The following PTPRD variants were observed in gnomAD, a reference collection of about 807,000 sequenced individuals.
PTPRD encodes protein tyrosine phosphatase receptor type D.
Under a neutral mutation model 214.5 loss-of-function variants are expected in PTPRD, and 34 were observed. That is an observed-to-expected ratio of 0.16 (90% confidence interval 0.12 to 0.21). The LOEUF (loss-of-function observed/expected upper bound fraction) is 0.21. PTPRD is among the 10% of genes least tolerant of loss of function. The probability of loss-of-function intolerance (pLI) is 1.00; values close to 1 mark genes in which losing one functional copy is unlikely to be tolerated. For synonymous variants in PTPRD, 1,128 were observed against 845.7 expected (o/e 1.33, Z -5.79); for missense variants, 2,545 against 2,398.7 (o/e 1.06, Z -1.27).
intron 12 of PTPRD, among the ~76,000 whole-genome samples, chr9:8,694,506 T>C (rs1055817238): frequency 2.4e-4 from 37 of 152,174 alleles, no homozygotes; most frequent in Non-Finnish European, 1.5e-5. Context: ...AAAAGTTAAA[T>C]GTATAAGAAA....
At chr9:8,705,659 G>C (rs898034260) in intron 12 of PTPRD, among the ~76,000 whole-genome samples, 3 of 152,022 alleles carry the variant, frequency 2.0e-5, no homozygotes, top group African/African-American at 4.8e-5. Flanking sequence ...ATAACAAATT[G>C]AGAATAAAAA....
At chr9:10,187,610 G>A (rs1166465233) in intron 3 of PTPRD, among the ~76,000 whole-genome samples, 1 of 152,194 alleles carries the variant, frequency 6.6e-6, no homozygotes, top group Non-Finnish European at 1.5e-5. Flanking sequence ...AATAAAGACA[G>A]TAGGTACATC....
chr9:10,162,685 ATGTG>A (rs1021460288), intron 3 of PTPRD, among the ~76,000 whole-genome samples: 3 of 147,252 alleles, frequency 2.0e-5, no homozygotes, highest in Non-Finnish European at 3.0e-5. Context: ...ACATGTATAT[ATGTG>A]TATATATATA....
chr9:8,836,418 TAA>T (rs754634037), intron 11 of PTPRD, among the ~76,000 whole-genome samples: 19 of 152,046 alleles, frequency 1.2e-4, no homozygotes, highest in Admixed American at 4.6e-4. Context: ...TGCCTAAAAA[TAA>T]AAAAGTTTTT....
intron 5 of PTPRD, among the ~76,000 whole-genome samples, chr9:9,810,068 C>G: frequency 6.8e-6 from 1 of 146,936 alleles, no homozygotes; most frequent in African/African-American, 2.6e-5. Flanking sequence ...CCTCCTGCAC[C>G]TCCTCTTCAG....
At chr9:9,311,686 G>A (rs559167832) in intron 9 of PTPRD, among the ~76,000 whole-genome samples, 33 of 152,106 alleles carry the variant, frequency 2.2e-4, no homozygotes, top group Middle Eastern at 3.4e-3. Context: ...CAACCAAATC[G>A]TTCCTTAATC....
intron 6 of PTPRD, among the ~76,000 whole-genome samples, chr9:9,752,603 A>G (rs2098531611): frequency 6.6e-6 from 1 of 152,012 alleles, no homozygotes; most frequent in African/African-American, 2.4e-5. Flanking sequence ...TTTAAGATCG[A>G]GGTTGAGGGA....
intron 7 of PTPRD, among the ~76,000 whole-genome samples, chr9:9,607,337 C>T (rs931784776): frequency 2.6e-5 from 4 of 152,060 alleles, no homozygotes; most frequent in African/African-American, 9.7e-5. Context: ...AAAATCATAA[C>T]AGTTTAAATG....
At chr9:8,828,578 T>C (rs952681564) in intron 11 of PTPRD, among the ~76,000 whole-genome samples, 3 of 152,220 alleles carry the variant, frequency 2.0e-5, no homozygotes, top group African/African-American at 7.2e-5. Context: ...TAAGATGTTA[T>C]GCTTGTTAGT....
At chr9:9,750,122 A>T (rs575197934) in intron 6 of PTPRD, among the ~76,000 whole-genome samples, 1 of 152,288 alleles carries the variant, frequency 6.6e-6, no homozygotes, top group Admixed American at 6.5e-5. Flanking sequence ...ACAAATTGTA[A>T]AAGTTTTGCC....
At chr9:9,619,828 TTATA>T (rs993752979) in intron 7 of PTPRD, among the ~76,000 whole-genome samples, 18 of 147,542 alleles carry the variant, frequency 1.2e-4, no homozygotes, top group African/African-American at 4.2e-4. Context: ...TATTTAATCT[TTATA>T]TATGTTAGCT....
At chr9:10,358,769 A>G (rs1323306594) in intron 2 of PTPRD, among the ~76,000 whole-genome samples, 4 of 151,988 alleles carry the variant, frequency 2.6e-5, no homozygotes, top group African/African-American at 9.7e-5. Context: ...TTGCTTGTTC[A>G]TTTGATAGAA....
chr9:8,712,982 G>C (rs1275693609), intron 12 of PTPRD, among the ~76,000 whole-genome samples: 1 of 152,216 alleles, frequency 6.6e-6, no homozygotes, highest in Non-Finnish European at 1.5e-5. Context: ...GCCTCCCAAA[G>C]TGCTGGGATT....
At chr9:10,296,946 C>T (rs2095692624) in intron 3 of PTPRD, among the ~76,000 whole-genome samples, 1 of 151,540 alleles carries the variant, frequency 6.6e-6, no homozygotes, top group Admixed American at 6.6e-5. Context: ...ACAATATTTC[C>T]CATTCTTCAT....
At chr9:9,817,655 C>A (rs544936705) in intron 5 of PTPRD, among the ~76,000 whole-genome samples, 64 of 152,212 alleles carry the variant, frequency 4.2e-4, no homozygotes, top group African/African-American at 1.5e-3. Flanking sequence ...TTTGTCCACC[C>A]ATTGTCCACA....
chr9:9,240,832 C>G (rs1343745166), intron 9 of PTPRD, among the ~76,000 whole-genome samples: 3 of 152,054 alleles, frequency 2.0e-5, no homozygotes, highest in Non-Finnish European at 2.9e-5. Flanking sequence ...ATCAATTTCG[C>G]TCATCAGGTT....
intron 6 of PTPRD, among the ~76,000 whole-genome samples, chr9:9,760,780 A>G (rs2098648044): frequency 6.6e-6 from 1 of 152,298 alleles, no homozygotes; most frequent in East Asian, 1.9e-4. Context: ...ATGGTGAGTA[A>G]CCACATGAAA....
intron 2 of PTPRD, among the ~76,000 whole-genome samples, chr9:10,491,198 G>C (rs2132680252): frequency 6.6e-6 from 1 of 152,194 alleles, no homozygotes; most frequent in East Asian, 1.9e-4. Context: ...AATGTTAAAG[G>C]TAATATATTG....
chr9:9,954,809 A>G (rs934010571), intron 4 of PTPRD, among the ~76,000 whole-genome samples: 10 of 152,170 alleles, frequency 6.6e-5, no homozygotes, highest in Non-Finnish European at 1.3e-4. Context: ...TATATATACA[A>G]TATAAGTAGA....
Sources: allele counts gnomAD v4.1 joint callset (sites outside exome capture counted in the v4.1 genomes callset), GRCh38; gene constraint gnomAD v4.1.1; transcripts MANE v1.5; gene names NCBI Gene and HGNC (gene_info 2026-07-23, HGNC 2026-07-21).